ZMIZ1: variants seen among roughly 807,000 people sequenced by gnomAD.
ZMIZ1 encodes the protein zinc finger MIZ domain-containing protein 1.
A neutral mutation model predicts 113.9 loss-of-function variants in ZMIZ1; 17 were observed. The ratio of observed to expected loss-of-function variants is 0.15; its 90% CI spans 0.10 to 0.22. ZMIZ1 has a LOEUF of 0.22. ZMIZ1 is among the 10% of genes least tolerant of loss of function. ZMIZ1 has a pLI of 1.00. For synonymous variants in ZMIZ1, 607 were observed against 603.1 expected (o/e 1.01, Z -0.09); for missense variants, 1,059 against 1,477.8 (o/e 0.72, Z 4.65).
At chr10:79,070,970 C>T (rs1842263204) in intron 1 of ZMIZ1, among the ~76,000 whole-genome samples, 1 of 152,194 alleles carries the variant, frequency 6.6e-6, no homozygotes, top group African/African-American at 2.4e-5. Context: ...AATGTTCTCT[C>T]AGAGGTCCTC....
chr10:79,267,700 G>A (rs1398380299), intron 7 of ZMIZ1, among the ~76,000 whole-genome samples: 2 of 152,212 alleles, frequency 1.3e-5, no homozygotes, highest in Admixed American at 6.5e-5. Context: ...GCAGGAGACA[G>A]CATATTACTG....
chr10:79,245,528 G>C (rs184394207), intron 7 of ZMIZ1, among the ~76,000 whole-genome samples: 3 of 152,140 alleles, frequency 2.0e-5, no homozygotes, highest in African/African-American at 4.8e-5. Flanking sequence ...GGACGGGGTC[G>C]GGGGGCAGAG....
intron 1 of ZMIZ1, among the ~76,000 whole-genome samples, chr10:79,102,524 G>A (rs1185131434): frequency 1.3e-5 from 2 of 152,236 alleles, no homozygotes; most frequent in Admixed American, 1.3e-4. Flanking sequence ...GCTGAGGGGG[G>A]ACAGGATGTG....
At chr10:79,103,630 C>T (rs530173050) in intron 1 of ZMIZ1, among the ~76,000 whole-genome samples, 4 of 152,192 alleles carry the variant, frequency 2.6e-5, no homozygotes, top group South Asian at 4.1e-4. Flanking sequence ...CACAGGTTTT[C>T]GGTGTCTGTT....
rs375792171 is a variant in ZMIZ1, at chr10:79,305,148, G to A, written c.2287-16G>A. On this transcript the variant is annotated splice_polypyrimidine_tract_variant and intron_variant, in intron 19 of 24. Transcript: ENST00000334512. The stretch of plus-strand genomic sequence containing the variant: ...GACAGTCCTGGTCTCACCTGTGTCT[G>A]TCTGTCTGTCTGCAGTGCTTTGATC... The A allele has an allele frequency of 5.9e-5, 96 of 1,614,022 alleles. No individual in the cohort carries two copies. The highest frequency in any genetic ancestry group is 7.7e-5 in the Non-Finnish European group (91 of 1,180,030).
intron 1 of ZMIZ1, among the ~76,000 whole-genome samples, chr10:79,111,468 G>A (rs546643048): frequency 6.6e-6 from 1 of 152,200 alleles, no homozygotes; most frequent in South Asian, 2.1e-4. Flanking sequence ...GCCTGCCCTG[G>A]ACCAAAGAGC....
At chr10:79,307,682 T>G in intron 23 of ZMIZ1, 111 bp downstream of exon 23, 1 of 1,279,700 alleles carries the variant, frequency 7.8e-7, no homozygotes, top group African/African-American at 1.5e-5. Context: ...GAATTGGGTG[T>G]GTGGGCTCAG....
chr10:79,234,291 C>T (rs575824363), intron 7 of ZMIZ1, among the ~76,000 whole-genome samples: 11 of 152,152 alleles, frequency 7.2e-5, no homozygotes, highest in Admixed American at 2.0e-4. Context: ...GAGGTGACTC[C>T]CCAGCAATGC....
intron 7 of ZMIZ1, among the ~76,000 whole-genome samples, chr10:79,267,913 G>GC (rs774929526): frequency 2.0e-5 from 3 of 152,052 alleles, no homozygotes; most frequent in Non-Finnish European, 4.4e-5. Context: ...GCACTCTCCC[G>GC]CCCCTCCCAA....
intron 1 of ZMIZ1, among the ~76,000 whole-genome samples, chr10:79,092,054 G>A (rs751971110): frequency 1.4e-4 from 22 of 152,218 alleles, no homozygotes; most frequent in Non-Finnish European, 2.2e-4. Context: ...CACCAGCCCC[G>A]CTCCATGCTG....
intron 7 of ZMIZ1, among the ~76,000 whole-genome samples, chr10:79,265,591 A>T (rs1226480755): frequency 6.7e-6 from 1 of 149,550 alleles, no homozygotes. Flanking sequence ...CTTGCTACTG[A>T]TGGTGCTGAG....
chr10:79,112,157 G>A (rs559804591), intron 1 of ZMIZ1, among the ~76,000 whole-genome samples: 2 of 152,342 alleles, frequency 1.3e-5, no homozygotes, highest in African/African-American at 2.4e-5. Flanking sequence ...TGCTGGCAGT[G>A]GGGAGTCAGG....
intron 4 of ZMIZ1, among the ~76,000 whole-genome samples, chr10:79,181,001 A>G (rs1847101235): frequency 6.6e-6 from 1 of 152,182 alleles, no homozygotes; most frequent in South Asian, 2.1e-4. Context: ...ACAGAGGCTG[A>G]GTGAAGGGAA....
chr10:79,200,420 G>T (rs985022909), intron 4 of ZMIZ1, among the ~76,000 whole-genome samples: 3 of 152,126 alleles, frequency 2.0e-5, no homozygotes, highest in Non-Finnish European at 4.4e-5. Flanking sequence ...GGGCTTTTTC[G>T]AGCCGAAGGA....
intron 4 of ZMIZ1, among the ~76,000 whole-genome samples, chr10:79,190,967 T>C (rs1847576121): frequency 6.6e-6 from 1 of 152,086 alleles, no homozygotes; most frequent in Non-Finnish European, 1.5e-5. Flanking sequence ...ATAGACCACC[T>C]AGAAGACTTC....
chr10:79,168,957 C>G (rs1469539490), intron 4 of ZMIZ1, among the ~76,000 whole-genome samples: 1 of 152,238 alleles, frequency 6.6e-6, no homozygotes, highest in South Asian at 2.1e-4. Context: ...CTGCCTCCCC[C>G]ATTAAGTGCT....
Position 79,297,658 on chromosome 10 carries a change from T to A in ZMIZ1, c.1459T>A (p.Tyr487Asn). ...GQNNTFSGSS[Y>N]SNYSQGNVNR... ...AAATAACACGTTCTCGGGAAGCAGC[T>A]ACAGTAACTACAGCCAAGGGAATGT... Residue 487 changes from tyrosine to asparagine, a missense_variant, in exon 14 of 25, where the codon TAC becomes AAC. By Grantham distance (143) the Tyr-to-Asn change is moderately radical (BLOSUM62 -2). Coordinates refer to ENST00000334512, the MANE Select transcript of ZMIZ1 (RefSeq NM_020338.4). 6.2e-7 allele frequency: 1 copy of A among 1,614,124 alleles called. No homozygotes were observed. Among genetic ancestry groups the A allele is most frequent in the African/African-American group, 1.3e-5 (1 of 75,050 alleles).
chr10:79,278,192 T>C (rs527288418), intron 8 of ZMIZ1, among the ~76,000 whole-genome samples: 1 of 152,202 alleles, frequency 6.6e-6, no homozygotes, highest in Non-Finnish European at 1.5e-5. Context: ...ACCTTAGTGC[T>C]CATCATGTCC....
intron 19 of ZMIZ1, among the ~76,000 whole-genome samples, chr10:79,304,900 G>A (rs893799383): frequency 6.6e-6 from 1 of 152,202 alleles, no homozygotes; most frequent in African/African-American, 2.4e-5. Context: ...CAGCTGGGGT[G>A]GGAACCAGGA....
Sources: gnomAD v4.1 joint callset for allele counts (sites outside exome capture counted in the v4.1 genomes callset) on GRCh38, gnomAD v4.1.1 for gene constraint, MANE v1.5 for transcripts, NCBI Gene and HGNC (gene_info 2026-07-23, HGNC 2026-07-21) for gene names.